ARNT: variants seen among roughly 807,000 people sequenced by gnomAD.
ARNT encodes aryl hydrocarbon receptor nuclear translocator, also known as class E basic helix-loop-helix protein 2.
Under a neutral mutation model 105.0 loss-of-function variants are expected in ARNT, and 30 were observed. The ratio of observed to expected loss-of-function variants is 0.29; its 90% confidence interval spans 0.21 to 0.39. The LOEUF (loss-of-function observed/expected upper bound fraction) is 0.39, where lower values mean the gene tolerates loss of function less well. Among genes scored for constraint, ARNT ranks in the 10% least tolerant of loss-of-function variants. The pLI is 1.00. For synonymous variants in ARNT, 304 were observed against 344.0 expected, an observed-to-expected ratio of 0.88 and a Z score of 1.29; for missense variants, 748 against 978.7, an observed-to-expected ratio of 0.76 and a Z score of 3.15.
At chr1:150,848,444 G>A (rs1455829336) in intron 3 of ARNT, among the ~76,000 whole-genome samples, 2 of 140,154 alleles carry the variant, frequency 1.4e-5, no homozygotes, top group African/African-American at 2.7e-5. Flanking sequence ...CAACAAGAGC[G>A]AGACTCCTCT....
At chr1:150,869,705 A>C (rs1667156788) in intron 1 of ARNT, among the ~76,000 whole-genome samples, 1 of 151,712 alleles carries the variant, frequency 6.6e-6, no homozygotes, top group Non-Finnish European at 1.5e-5. Flanking sequence ...CCACCACCAC[A>C]TCTAGCTAAT....
intron 2 of ARNT, among the ~76,000 whole-genome samples, chr1:150,856,944 C>T (rs1664723208): frequency 6.7e-6 from 1 of 148,538 alleles, no homozygotes; most frequent in African/African-American, 2.5e-5. Flanking sequence ...GGTACAAGAC[C>T]CTGTCTCTAA....
At chr1:150,876,391 C>T in intron 1 of ARNT, 152 bp downstream of exon 1, 1 of 1,379,472 alleles carries the variant, frequency 7.2e-7, no homozygotes, top group Non-Finnish European at 9.7e-7. Flanking sequence ...CGGGCCCCTC[C>T]CCAGGTCACC....
intron 12 of ARNT, among the ~76,000 whole-genome samples, 184 bp from the exon 13 acceptor site, chr1:150,826,801 C>T (rs1031688942): frequency 6.6e-6 from 1 of 152,030 alleles, no homozygotes; most frequent in Non-Finnish European, 1.5e-5. Flanking sequence ...TGTGCTACCA[C>T]ACCTGGCTAA....
intron 1 of ARNT, among the ~76,000 whole-genome samples, chr1:150,871,152 C>A (rs1453519020): frequency 1.3e-5 from 2 of 152,062 alleles, no homozygotes; most frequent in African/African-American, 2.4e-5. Context: ...TGCAGCCTGG[C>A]ATATAGAAGG....
At chr1:150,856,267 G>A (rs587598179) in intron 2 of ARNT, among the ~76,000 whole-genome samples, 2 of 151,796 alleles carry the variant, frequency 1.3e-5, no homozygotes, top group African/African-American at 2.4e-5. Flanking sequence ...GTGAAACCCC[G>A]TCTCTACTGA....
intron 1 of ARNT, among the ~76,000 whole-genome samples, chr1:150,859,271 C>T (rs1244701474): frequency 2.0e-5 from 3 of 151,492 alleles, no homozygotes; most frequent in African/African-American, 7.3e-5. Context: ...CCCTTTCCTG[C>T]CCCCCGTACC....
chr1:150,873,346 GA>G (rs2102516620), intron 1 of ARNT, among the ~76,000 whole-genome samples: 1 of 150,760 alleles, frequency 6.6e-6, no homozygotes, highest in East Asian at 1.9e-4. Flanking sequence ...CCATAGATAA[GA>G]AACAGCCTAA....
At chr1:150,835,172 TA>T (rs1557890227) in intron 7 of ARNT, among the ~76,000 whole-genome samples, 1 of 151,228 alleles carries the variant, frequency 6.6e-6, no homozygotes, top group Non-Finnish European at 1.5e-5. Context: ...GAAAAAATTT[TA>T]AAAAGAAAAA....
intron 4 of ARNT, among the ~76,000 whole-genome samples, chr1:150,843,582 A>G (rs1661646506): frequency 6.6e-6 from 1 of 152,230 alleles, no homozygotes; most frequent in Non-Finnish European, 1.5e-5. Context: ...ACTGAGTGAT[A>G]TTCAGCAGTT....
chr1:150,847,230 A>G (rs895881148), intron 3 of ARNT, among the ~76,000 whole-genome samples: 1 of 152,154 alleles, frequency 6.6e-6, no homozygotes, highest in African/African-American at 2.4e-5. Context: ...CAAGAGATCC[A>G]GACCACTCTG....
chr1:150,827,753 C>A (rs367558696), intron 12 of ARNT, among the ~76,000 whole-genome samples: 3 of 152,184 alleles, frequency 2.0e-5, no homozygotes, highest in Non-Finnish European at 4.4e-5. Context: ...TGCCAAAATG[C>A]TTTTGCAAAG....
chr1:150,816,707 A>T, intron 18 of ARNT, 81 bp downstream of exon 18: 1 of 1,432,854 alleles, frequency 7.0e-7, no homozygotes, highest in Non-Finnish European at 9.4e-7. Flanking sequence ...TAACCAGAGA[A>T]AGCAAGGGAA....
intron 3 of ARNT, among the ~76,000 whole-genome samples, chr1:150,847,802 A>G (rs956539558): frequency 6.6e-6 from 1 of 152,230 alleles, no homozygotes; most frequent in African/African-American, 2.4e-5. Context: ...CTTCACATTT[A>G]CTGAGACTCA....
chr1:150,834,748 C>T (rs943450064), intron 7 of ARNT, 108 bp from the exon 8 acceptor site: 2 of 928,656 alleles, frequency 2.2e-6, no homozygotes, highest in African/African-American at 3.3e-5. Flanking sequence ...TGCCCTTAAT[C>T]TCCTTGCTTA....
intron 1 of ARNT, among the ~76,000 whole-genome samples, chr1:150,866,082 A>C (rs1341035532): frequency 6.6e-6 from 1 of 151,244 alleles, no homozygotes; most frequent in Non-Finnish European, 1.5e-5. Flanking sequence ...TCCCAGGTTC[A>C]AGCAATTCTC....
At chr1:150,844,935 G>C (rs990730701) in intron 4 of ARNT, among the ~76,000 whole-genome samples, 3 of 151,622 alleles carry the variant, frequency 2.0e-5, no homozygotes, top group Non-Finnish European at 2.9e-5. Flanking sequence ...TCAGCCTCTA[G>C]AGTAGCTGGG....
At chr1:150,852,619 T>A (rs1383999337) in intron 3 of ARNT, 143 bp downstream of exon 3, 2 of 703,448 alleles carry the variant, frequency 2.8e-6, no homozygotes, top group African/African-American at 3.7e-5. Flanking sequence ...GCTTAAAAAT[T>A]TTCTGAGATA....
chr1:150,865,860 G>A (rs1028354369), intron 1 of ARNT, among the ~76,000 whole-genome samples: 4 of 152,114 alleles, frequency 2.6e-5, no homozygotes, highest in Non-Finnish European at 5.9e-5. Flanking sequence ...CTGAAAGGGT[G>A]TAAGAAATGC....
Sources: gnomAD v4.1 joint callset for allele counts (sites outside exome capture counted in the v4.1 genomes callset) on GRCh38, gnomAD v4.1.1 for gene constraint, MANE v1.5 for transcripts, NCBI Gene and HGNC (gene_info 2026-07-23, HGNC 2026-07-21) for gene names.